SUGCT: variants seen among roughly 807,000 people sequenced by gnomAD.
SUGCT encodes succinyl-CoA:glutarate CoA-transferase.
A neutral mutation model predicts 55.0 loss-of-function variants in SUGCT; 41 were observed. That is an observed-to-expected ratio of 0.74 (90% CI 0.58 to 0.97). The LOEUF is 0.97. Among genes scored for constraint, SUGCT ranks in the 50% least tolerant of loss-of-function variants. The pLI, the probability that SUGCT is intolerant of heterozygous loss-of-function variation, is 0.00. For missense variants in SUGCT, 568 were observed against 547.8 expected (o/e 1.04, Z -0.37); for synonymous variants, 187 against 200.4 (o/e 0.93, Z 0.56).
At chr7:40,899,819 G>A in the SUGCT span, among the ~76,000 whole-genome samples, 1 of 152,136 alleles carries the variant, frequency 6.6e-6, no homozygotes, top group Non-Finnish European at 1.5e-5. Flanking sequence ...AGCTGGAGAG[G>A]CCAGGAAATT....
chr7:40,638,370 G>A (rs1202860579), intron 12 of SUGCT, among the ~76,000 whole-genome samples: 1 of 152,174 alleles, frequency 6.6e-6, no homozygotes, highest in Admixed American at 6.5e-5. Context: ...AAAGAGAGTA[G>A]GTGAAGCTCT....
chr7:40,436,646 C>T (rs1040149488), intron 9 of SUGCT, among the ~76,000 whole-genome samples: 3 of 152,032 alleles, frequency 2.0e-5, no homozygotes, highest in African/African-American at 7.2e-5. Context: ...ATATATGGTA[C>T]ATAGATGGTA....
chr7:40,914,502 C>A, the SUGCT span, among the ~76,000 whole-genome samples: 1 of 151,968 alleles, frequency 6.6e-6, no homozygotes, highest in Admixed American at 6.6e-5. Context: ...ATGCTTGATA[C>A]CTCAGATTTA....
intron 9 of SUGCT, among the ~76,000 whole-genome samples, chr7:40,375,457 T>C (rs895366570): frequency 6.6e-6 from 1 of 152,166 alleles, no homozygotes; most frequent in Non-Finnish European, 1.5e-5. Flanking sequence ...AATTATCATA[T>C]CAAGATTTGA....
chr7:40,277,211 C>CT (rs776517308), intron 8 of SUGCT, among the ~76,000 whole-genome samples: 2 of 151,788 alleles, frequency 1.3e-5, no homozygotes, highest in Non-Finnish European at 2.9e-5. Context: ...TTCTTTTTTT[C>CT]TTTTTCTGTC....
chr7:40,850,459 A>C (rs1043489520), intron 13 of SUGCT, among the ~76,000 whole-genome samples: 12 of 152,188 alleles, frequency 7.9e-5, no homozygotes, highest in African/African-American at 2.9e-4. Context: ...CTGTGTTTTC[A>C]TTGTTCCTTC....
chr7:40,270,186 A>G (rs1283682763), intron 7 of SUGCT, among the ~76,000 whole-genome samples: 1 of 151,254 alleles, frequency 6.6e-6, no homozygotes, highest in Non-Finnish European at 1.5e-5. Flanking sequence ...TATCAAGTAC[A>G]TGATTTACTA....
chr7:40,443,299 C>T (rs1788622166), intron 9 of SUGCT, among the ~76,000 whole-genome samples: 1 of 152,204 alleles, frequency 6.6e-6, no homozygotes, highest in Non-Finnish European at 1.5e-5. Flanking sequence ...AATCACCACC[C>T]TGTCTTCCAC....
chr7:41,038,736 T>C, the SUGCT span, among the ~76,000 whole-genome samples: 1 of 152,054 alleles, frequency 6.6e-6, no homozygotes, highest in Non-Finnish European at 1.5e-5. Flanking sequence ...CCATGCCTCA[T>C]AGTTTCCATA....
intron 12 of SUGCT, among the ~76,000 whole-genome samples, chr7:40,596,019 T>C (rs1354216626): frequency 4.6e-5 from 7 of 152,226 alleles, no homozygotes; most frequent in Admixed American, 4.6e-4. Flanking sequence ...TTCATTTCCA[T>C]GTAGTGCGAA....
chr7:40,961,963 G>A, the SUGCT span, among the ~76,000 whole-genome samples: 1 of 152,178 alleles, frequency 6.6e-6, no homozygotes, highest in Non-Finnish European at 1.5e-5. Flanking sequence ...TTATTGCAAA[G>A]AGCAAATGAA....
At chr7:40,858,233 G>T (rs1047606050) in intron 13 of SUGCT, among the ~76,000 whole-genome samples, 3 of 151,682 alleles carry the variant, frequency 2.0e-5, no homozygotes, top group Non-Finnish European at 4.4e-5. Context: ...GAGAAACCCC[G>T]TCTCTACTAA....
chr7:40,964,975 C>T, the SUGCT span: 1 of 152,320 alleles, frequency 6.6e-6, no homozygotes, highest in African/African-American at 2.4e-5. Flanking sequence ...AGGTTAAGCA[C>T]TCTGTTAATG....
intron 12 of SUGCT, among the ~76,000 whole-genome samples, chr7:40,625,257 C>G (rs1207068524): frequency 6.6e-6 from 1 of 152,090 alleles, no homozygotes; most frequent in Non-Finnish European, 1.5e-5. Context: ...AATCCTTTTT[C>G]CTTAACACGC....
chr7:40,313,972 G>A (rs1404779130), intron 8 of SUGCT, among the ~76,000 whole-genome samples: 2 of 152,102 alleles, frequency 1.3e-5, no homozygotes, highest in Non-Finnish European at 2.9e-5. Flanking sequence ...ATTCTGAAAT[G>A]CTTTTTGTTT....
intron 13 of SUGCT, among the ~76,000 whole-genome samples, chr7:40,774,945 C>CA (rs559101985): frequency 1.2e-4 from 18 of 151,764 alleles, no homozygotes; most frequent in South Asian, 4.2e-4. Flanking sequence ...CAACAGTGAC[C>CA]AAAAAAACCT....
chr7:41,013,050 C>T, the SUGCT span, among the ~76,000 whole-genome samples: 11 of 149,768 alleles, frequency 7.3e-5, no homozygotes, highest in Non-Finnish European at 1.5e-4. Context: ...ATATGTATTT[C>T]ATTAATTATA....
chr7:40,475,822 G>C (rs1583779450), intron 11 of SUGCT, among the ~76,000 whole-genome samples: 1 of 152,206 alleles, frequency 6.6e-6, no homozygotes, highest in East Asian at 1.9e-4. Context: ...TACTAAGTCA[G>C]TTTCCTTTCC....
intron 7 of SUGCT, among the ~76,000 whole-genome samples, chr7:40,272,742 C>T (rs1157666520): frequency 1.3e-5 from 2 of 151,386 alleles, no homozygotes; most frequent in African/African-American, 4.9e-5. Context: ...TCACTGCAGC[C>T]TCCGCCTCCC....
Sources: gnomAD v4.1 joint callset for allele counts (sites outside exome capture counted in the v4.1 genomes callset) on GRCh38, gnomAD v4.1.1 for gene constraint, MANE v1.5 for transcripts, NCBI Gene and HGNC (gene_info 2026-07-23, HGNC 2026-07-21) for gene names.